Variants in BCL11B observed in about 807,000 individuals in gnomAD.
The protein encoded by BCL11B is B-cell lymphoma/leukemia 11B.
BCL11B carries 8 observed loss-of-function variants against 49.9 expected under a neutral mutation model. That is an observed-to-expected ratio of 0.16 (90% CI 0.09 to 0.29). BCL11B has a LOEUF of 0.29. BCL11B is among the 10% of genes least tolerant of loss of function. The probability of loss-of-function intolerance (pLI) is 1.00; values close to 1 mark genes in which losing one functional copy is unlikely to be tolerated. For synonymous variants in BCL11B, 739 were observed against 637.4 expected (o/e 1.16, Z -2.40); for missense variants, 1,006 against 1,351.0 (o/e 0.74, Z 4.00).
chr14:99,216,979 C>T (rs949859438), intron 3 of BCL11B, among the ~76,000 whole-genome samples: 1 of 152,168 alleles, frequency 6.6e-6, no homozygotes, highest in Non-Finnish European at 1.5e-5. Context: ...TGCATACACA[C>T]AAATACGCGT....
chr14:99,215,660 T>C (rs558270515), intron 3 of BCL11B, among the ~76,000 whole-genome samples: 16 of 152,340 alleles, frequency 1.1e-4, no homozygotes, highest in African/African-American at 3.8e-4. Flanking sequence ...GTATAAAAGC[T>C]TATTAAGCCG....
At chr14:99,271,117 G>C in intron 1 of BCL11B, 44 bp downstream of exon 1, 1 of 1,513,582 alleles carries the variant, frequency 6.6e-7, no homozygotes, top group Non-Finnish European at 8.8e-7. Context: ...CAGACGCCCG[G>C]AGCCCCATCT....
At chr14:99,245,979 T>C (rs1479913081) in intron 2 of BCL11B, among the ~76,000 whole-genome samples, 1 of 151,868 alleles carries the variant, frequency 6.6e-6, no homozygotes, top group Non-Finnish European at 1.5e-5. Flanking sequence ...GAAAAAAGAC[T>C]CCAGGGCTGC....
At chr14:99,199,689 CGCGCGCGCACGTGCACGTGTGT>C (rs1390547729) in intron 3 of BCL11B, among the ~76,000 whole-genome samples, 6 of 60,192 alleles carry the variant, frequency 1.0e-4, no homozygotes, top group African/African-American at 2.2e-4. Context: ...TGTGTGCGCG[CGCGCGCGCACGTGCACGTGTGT>C]GCGTGTGTGC....
chr14:99,223,921 A>C (rs996928322), intron 3 of BCL11B, among the ~76,000 whole-genome samples: 1 of 152,000 alleles, frequency 6.6e-6, no homozygotes, highest in African/African-American at 2.4e-5. Flanking sequence ...CAATTGATTC[A>C]TTTTTTTCAA....
intron 3 of BCL11B, among the ~76,000 whole-genome samples, chr14:99,200,539 C>T (rs1887348409): frequency 6.6e-6 from 1 of 152,202 alleles, no homozygotes; most frequent in Non-Finnish European, 1.5e-5. Context: ...ATCTGTCCCT[C>T]AGAGAGGTGA....
chr14:99,187,912 G>A (rs1172152459), intron 3 of BCL11B, among the ~76,000 whole-genome samples: 2 of 152,164 alleles, frequency 1.3e-5, no homozygotes, highest in Non-Finnish European at 2.9e-5. Context: ...AAGTATGGCA[G>A]AGCAGTAAAT....
chr14:99,180,676 A>G (rs1886674900), intron 3 of BCL11B, among the ~76,000 whole-genome samples: 1 of 152,182 alleles, frequency 6.6e-6, no homozygotes, highest in Non-Finnish European at 1.5e-5. Flanking sequence ...TATAAATCGC[A>G]CATGGCTATG....
intron 3 of BCL11B, among the ~76,000 whole-genome samples, chr14:99,206,242 T>A (rs1887529974): frequency 6.6e-6 from 1 of 152,148 alleles, no homozygotes; most frequent in African/African-American, 2.4e-5. Context: ...TCTGCCTGTT[T>A]CTGTAAATAA....
chr14:99,175,606 C>T lies in BCL11B; in HGVS notation c.1230G>A (p.Pro410=), dbSNP rs760986119. 2 of 1,561,420 alleles carry T rather than the reference C, an allele frequency of 1.3e-6. No homozygotes were observed. The highest frequency in any genetic ancestry group is 1.4e-5 in the African/African-American group (1 of 72,276). The change falls in exon 4 of 4, where the codon CCG becomes CCA. Residue 410 remains proline (P), a synonymous_variant. Coordinates refer to ENST00000357195, the MANE Select transcript of BCL11B (RefSeq NM_138576.4). The part of the protein sequence containing the change: ...KSPFLSTPPL[P]PMPPGGTPPP... ...GCGGCGTGCCGCCAGGGGGCATGGG[C>T]GGCAGCGGCGGCGTGCTCAGGAACG...
rs1888868667 is a variant in BCL11B at position 99,247,124 on chromosome 14, G to C, written c.427+10347C>G. 6.6e-6 allele frequency among the ~76,000 whole-genome samples: 1 copy of C among 152,128 alleles called. No homozygotes were observed. Among genetic ancestry groups the C allele is most frequent in the Admixed American group, 6.5e-5 (1 of 15,284 alleles). ...AGTGTGGACCTTGTTTTGCTCCTCG[G>C]GGCCCGTCTGTTTCTGGAAATGACT... On this transcript the variant is annotated intron_variant, in intron 2 of 3. Transcript: ENST00000357195. This position sits in a 1 kb window ranked among gnomAD's most constrained non-coding sequence, Gnocchi z 4.5.
chr14:99,208,921 G>A (rs1392503453), intron 3 of BCL11B, among the ~76,000 whole-genome samples: 2 of 152,190 alleles, frequency 1.3e-5, no homozygotes, highest in East Asian at 3.9e-4. Flanking sequence ...CAAGGCCAAC[G>A]TGGACATGGA....
rs1479655151 is a variant in BCL11B, at chr14:99,170,303, G to A, written c.*3848C>T. 1 of 221,476 alleles carries A rather than the reference G, an allele frequency of 4.5e-6. No homozygotes were observed. Among genetic ancestry groups the A allele is most frequent in the South Asian group, 1.8e-4 (1 of 5,428 alleles). 13.7% of individuals were successfully genotyped at this position (221,476 alleles called of 1,614,324 possible). On this transcript the variant is annotated 3_prime_UTR_variant, in exon 4 of 4. Transcript: ENST00000357195. ...AAAGGTAAGTGGCAAGGAGGAAAGAGTGCATCGAACAGAAAAGCTTCTGCA... is the reference window on the plus strand; with the variant it reads ...AAAGGTAAGTGGCAAGGAGGAAAGAATGCATCGAACAGAAAAGCTTCTGCA...
intron 3 of BCL11B, among the ~76,000 whole-genome samples, chr14:99,209,755 C>A: frequency 6.6e-6 from 1 of 152,196 alleles, no homozygotes; most frequent in South Asian, 2.1e-4. Flanking sequence ...GCCAGTTGTC[C>A]TCTCTGCCTC....
intron 3 of BCL11B, among the ~76,000 whole-genome samples, chr14:99,180,194 C>T (rs1274764266): frequency 6.6e-6 from 1 of 152,162 alleles, no homozygotes; most frequent in Admixed American, 6.5e-5. Flanking sequence ...CCCAGACAGG[C>T]TGCTGAGATT....
At chr14:99,188,900 C>T (rs954519004) in intron 3 of BCL11B, among the ~76,000 whole-genome samples, 6 of 152,230 alleles carry the variant, frequency 3.9e-5, no homozygotes, top group Non-Finnish European at 7.3e-5. Context: ...CTCCAGCCAG[C>T]TTGTCACCGA....
chr14:99,195,679 A>AAATAAAGCAT lies in BCL11B; in HGVS notation c.641-19494_641-19485dup, dbSNP rs1389517070. ...GGGCCTGCAGCATGGGAAGTGCTCA[A>AAATAAAGCAT]AATAAAGCATAAGTAAGTTTCCTCG... On this transcript the variant is annotated intron_variant, in intron 3 of 3. Transcript: ENST00000357195. The surrounding 1 kb of genome is among the most constrained non-coding windows in gnomAD (Gnocchi z 4.7). Among the ~76,000 whole-genome samples the AAATAAAGCAT allele has an allele frequency of 6.6e-6, 1 of 152,124 alleles. No individual in the cohort carries two copies. Among genetic ancestry groups the AAATAAAGCAT allele is most frequent in the Non-Finnish European group, 1.5e-5 (1 of 68,020 alleles).
At chr14:99,235,139 C>T (rs1888457758) in intron 2 of BCL11B, among the ~76,000 whole-genome samples, 2 of 152,242 alleles carry the variant, frequency 1.3e-5, no homozygotes, top group African/African-American at 2.4e-5. Flanking sequence ...AGGGGGAATT[C>T]GAGCCTTCCC....
At chr14:99,234,855 C>CAAAAAAAA (rs34831762) in intron 2 of BCL11B, among the ~76,000 whole-genome samples, 4 of 66,636 alleles carry the variant, frequency 6.0e-5, no homozygotes, top group African/African-American at 1.8e-4. Flanking sequence ...GGTCTATGCA[C>CAAAAAAAA]AAAAAAAAAA....
Sources: allele counts gnomAD v4.1 joint callset (sites outside exome capture counted in the v4.1 genomes callset), GRCh38; gene constraint gnomAD v4.1.1; non-coding constraint Gnocchi (gnomAD v3.1); transcripts MANE v1.5; gene names NCBI Gene and HGNC (gene_info 2026-07-23, HGNC 2026-07-21).